Variants in PKHD1 observed in about 807,000 individuals in gnomAD.
The protein encoded by PKHD1 is PKHD1 ciliary IPT domain containing fibrocystin/polyductin, also known as fibrocystin.
A neutral mutation model predicts 412.0 loss-of-function variants in PKHD1; 291 were observed. The observed-to-expected ratio is 0.71, with a 90% CI of 0.64 to 0.78. The LOEUF is 0.78. PKHD1 is among the 30% of genes least tolerant of loss of function. The pLI, the probability that PKHD1 is intolerant of heterozygous loss-of-function variation, is 0.00. For missense variants in PKHD1, 4,825 were observed against 4,950.7 expected (o/e 0.97, Z 0.76); for synonymous variants, 1,777 against 1,821.5 (o/e 0.98, Z 0.62).
At chr6:52,040,586 C>G (rs934748615) in intron 27 of PKHD1, among the ~76,000 whole-genome samples, 1 of 152,190 alleles carries the variant, frequency 6.6e-6, no homozygotes, top group Non-Finnish European at 1.5e-5. Context: ...TTCTACTGCT[C>G]TCCCCTCACT....
At chr6:52,009,299 T>C (rs9370090) in intron 35 of PKHD1, among the ~76,000 whole-genome samples, 1 of 151,780 alleles carries the variant, frequency 6.6e-6, no homozygotes, top group African/African-American at 2.4e-5. Flanking sequence ...CACGGAACAG[T>C]TTAGTAAGGA....
intron 37 of PKHD1, among the ~76,000 whole-genome samples, chr6:51,914,423 C>G (rs1228080504): frequency 6.6e-6 from 1 of 152,030 alleles, no homozygotes; most frequent in Non-Finnish European, 1.5e-5. Flanking sequence ...AACATCAAGC[C>G]TGGATGTTTA....
At chr6:51,725,620 T>C (rs1007007959) in intron 60 of PKHD1, among the ~76,000 whole-genome samples, 2 of 152,180 alleles carry the variant, frequency 1.3e-5, no homozygotes, top group Admixed American at 6.6e-5. Context: ...GGTGGTTTAA[T>C]GGGGTATGAA....
intron 35 of PKHD1, among the ~76,000 whole-genome samples, chr6:51,994,376 C>T (rs577379108): frequency 1.3e-5 from 2 of 152,278 alleles, no homozygotes; most frequent in Admixed American, 1.3e-4. Flanking sequence ...ACCTCATGAT[C>T]CGCCCACCTC....
chr6:51,631,912 A>C (rs1420036300), intron 65 of PKHD1, among the ~76,000 whole-genome samples: 1 of 150,900 alleles, frequency 6.6e-6, no homozygotes, highest in Non-Finnish European at 1.5e-5. Context: ...GGAGAGGATG[A>C]CATTTCCCCG....
At chr6:51,923,773 A>G (rs1785101584) in intron 37 of PKHD1, among the ~76,000 whole-genome samples, 1 of 152,218 alleles carries the variant, frequency 6.6e-6, no homozygotes, top group Non-Finnish European at 1.5e-5. Flanking sequence ...CCCAATTGGG[A>G]TCTCAAAATA....
At chr6:51,762,661 A>T (rs200582485) in intron 55 of PKHD1, among the ~76,000 whole-genome samples, 14 of 75,606 alleles carry the variant, frequency 1.9e-4, no homozygotes, top group African/African-American at 2.9e-4. Flanking sequence ...ATATATATAT[A>T]TATATTTTCA....
chr6:51,870,966 T>C (rs1775900143), intron 46 of PKHD1, among the ~76,000 whole-genome samples: 1 of 151,664 alleles, frequency 6.6e-6, no homozygotes, highest in Middle Eastern at 3.4e-3. Context: ...GAAATGCAAA[T>C]TAAGATCACA....
chr6:51,750,721 T>C (rs1183206339), intron 57 of PKHD1, among the ~76,000 whole-genome samples: 1 of 152,146 alleles, frequency 6.6e-6, no homozygotes, highest in Non-Finnish European at 1.5e-5. Context: ...CATTAACCAA[T>C]GACTGAAAAT....
At chr6:51,781,266 A>G (rs938862184) in intron 53 of PKHD1, among the ~76,000 whole-genome samples, 5 of 152,150 alleles carry the variant, frequency 3.3e-5, no homozygotes, top group Non-Finnish European at 5.9e-5. Context: ...CCTCTCCAGT[A>G]GAACTGATTC....
chr6:51,991,864 A>G (rs1168346649), intron 35 of PKHD1, among the ~76,000 whole-genome samples: 1 of 152,266 alleles, frequency 6.6e-6, no homozygotes, highest in Non-Finnish European at 1.5e-5. Flanking sequence ...TTCACTCAAC[A>G]TACAGATAGC....
In PKHD1 at chr6:52,071,266, T is replaced by A. The variant is rs187222625; in HGVS notation, c.603-196A>T. ...TAGTATTACCCTTTATATATACTAG[T>A]TAGTAATACCCTAAGCATTTGCCCT... On this transcript the variant is annotated intron_variant, in intron 8 of 66. Coordinates refer to ENST00000371117, the MANE Select transcript of PKHD1 (RefSeq NM_138694.4). Among the ~76,000 whole-genome samples the A allele has an allele frequency of 2.0e-5, 3 of 151,434 alleles. No individual in the cohort carries two copies. The South Asian group carries it at 6.3e-4, about 32-fold the overall frequency.
chr6:52,062,395 G>T, intron 14 of PKHD1, 124 bp downstream of exon 14: 1 of 1,002,230 alleles, frequency 1.0e-6, no homozygotes, highest in Non-Finnish European at 1.6e-6. Context: ...AAACTCTGTT[G>T]TTGTTGAATT....
chr6:51,804,359 TGGGGG>T (rs147210503), intron 52 of PKHD1, among the ~76,000 whole-genome samples: 2 of 31,862 alleles, frequency 6.3e-5, no homozygotes, highest in African/African-American at 1.5e-4. Context: ...ACTAATTCAT[TGGGGG>T]GGGGGGGGGC....
In PKHD1 at chr6:52,087,580, C is replaced by T. The variant is rs997141826; in HGVS notation, c.-231G>A. On this transcript the variant is annotated 5_prime_UTR_variant, in exon 1 of 67. In the 5' UTR this introduces an upstream ATG that the reference lacks. Transcript: ENST00000371117. Reference sequence around the variant, plus strand: ...AGCCACCACGCAGGTAACTCACTCACGTTAGACTATAACTCACCTAACTCG... The same window carrying T: ...AGCCACCACGCAGGTAACTCACTCATGTTAGACTATAACTCACCTAACTCG... 6.6e-6 allele frequency: 1 copy of T among 152,184 alleles called. No homozygotes were observed. The highest frequency in any genetic ancestry group is 2.4e-5 in the African/African-American group (1 of 41,420). 9.4% of individuals were successfully genotyped at this position (152,184 alleles called of 1,614,324 possible).
chr6:51,720,888 A>G (rs1351324485), intron 60 of PKHD1: 1 of 564,716 alleles, frequency 1.8e-6, no homozygotes, highest in East Asian at 1.4e-4. Context: ...AATACTTGGC[A>G]TACAGTAAAT....
At chr6:51,794,159 C>T (rs1437293829) in intron 52 of PKHD1, among the ~76,000 whole-genome samples, 1 of 151,698 alleles carries the variant, frequency 6.6e-6, no homozygotes, top group East Asian at 1.9e-4. Flanking sequence ...GCCTCAGCCT[C>T]CCGAGTAGCT....
At position 52,079,909 on chromosome 6, in the gene PKHD1, A is replaced by G. The variant is rs755926109; in HGVS notation, c.381T>C (p.Cys127=). Reference sequence around the variant, plus strand: ...CAGCCTTAGAACCCACCTTGAAAGTACAGCTATCTCGTGGTCCTGGATTTG... The same window carrying G: ...CAGCCTTAGAACCCACCTTGAAAGTGCAGCTATCTCGTGGTCCTGGATTTG... ...SSPNPGPRDS[C]TFKFSKAQTP... is the part of the protein sequence containing the mutation. The change falls in exon 5 of 67, where the codon TGT becomes TGC. Residue 127 remains cysteine, a synonymous_variant. Transcript: ENST00000371117. The G allele has an allele frequency of 2.9e-5, 45 of 1,578,602 alleles. No individual in the cohort carries two copies. Among genetic ancestry groups the G allele is most frequent in the South Asian group, 1.3e-4 (12 of 90,390 alleles).
intron 34 of PKHD1, among the ~76,000 whole-genome samples, chr6:52,014,616 C>T (rs952958943): frequency 1.5e-5 from 2 of 136,800 alleles, no homozygotes; most frequent in Admixed American, 7.5e-5. Context: ...TGGATGAATA[C>T]ACTGGATAAA....
Sources: gnomAD v4.1 joint callset for allele counts (sites outside exome capture counted in the v4.1 genomes callset) on GRCh38, gnomAD v4.1.1 for gene constraint, MANE v1.5 for transcripts, NCBI Gene and HGNC (gene_info 2026-07-23, HGNC 2026-07-21) for gene names.